CACNA1A: variants seen among roughly 807,000 people sequenced by gnomAD.
CACNA1A encodes calcium voltage-gated channel subunit alpha1 A, also known as voltage-dependent P/Q-type calcium channel subunit alpha-1A.
A neutral mutation model predicts 262.4 loss-of-function variants in CACNA1A; 57 were observed. The ratio of observed to expected loss-of-function variants is 0.22; its 90% confidence interval spans 0.18 to 0.27. The LOEUF is 0.27. Among genes scored for constraint, CACNA1A ranks in the 10% least tolerant of loss-of-function variants. The probability of loss-of-function intolerance (pLI) is 1.00; values close to 1 mark genes in which losing one functional copy is unlikely to be tolerated. For synonymous variants in CACNA1A, 1,431 were observed against 1,419.3 expected, an observed-to-expected ratio of 1.01 and a Z score of -0.18; for missense variants, 2,526 against 3,562.8, an observed-to-expected ratio of 0.71 and a Z score of 7.41.
In CACNA1A at chr19:13,459,801, C is replaced by T. The variant is rs531181957; in HGVS notation, c.294-4589G>A. ...TGGCAGGGATGTGACTTCCTTTGGA[C>T]CGGCTCTGGCACTGAAGGTTCCAGG... On this transcript the variant is annotated intron_variant, in intron 1 of 46. Transcript: ENST00000360228. Among the ~76,000 whole-genome samples the T allele has an allele frequency of 8.5e-5, 13 of 152,282 alleles. No individual in the cohort carries two copies. The South Asian group carries it at 2.7e-3, about 32-fold the overall frequency.
In CACNA1A at chr19:13,263,900, G is replaced by A. The variant is rs2144778181; in HGVS notation, c.3990-1067C>T. Among the ~76,000 whole-genome samples the A allele has an allele frequency of 2.0e-5, 3 of 152,196 alleles. No individual in the cohort carries two copies. The South Asian group carries it at 6.2e-4, about 32-fold the overall frequency. ...TTCTCCCCCTTCCAATGGGATTCTG[G>A]AAGATACTTAAAGTGGCCCTTATAC... is the stretch of plus-strand genomic sequence containing the variant. On this transcript the variant is annotated intron_variant, in intron 24 of 46. Coordinates refer to ENST00000360228, the MANE Select transcript of CACNA1A (RefSeq NM_001127222.2).
At chr19:13,235,930 A>T in intron 31 of CACNA1A, 200 bp from the exon 32 acceptor site, 3 of 482,580 alleles carry the variant, frequency 6.2e-6, no homozygotes, top group Non-Finnish European at 1.1e-5. Context: ...TGGGAGAGAG[A>T]GGGTGGGAGG....
intron 30 of CACNA1A, among the ~76,000 whole-genome samples, chr19:13,251,773 T>G (rs2056405764): frequency 6.6e-6 from 1 of 151,920 alleles, no homozygotes; most frequent in South Asian, 2.1e-4. Flanking sequence ...TTTATTTTTA[T>G]TATTATTATT....
rs1568414925 is a variant in CACNA1A, at chr19:13,207,265, TGTGCGTGGGGTGC to T, written c.*35_*47del. ...TCTGCGCGGCTCCTCGGGTGGGGTGTGTGCGTGGGGTGCGTGGGGGGCCGGGCGGGCGCCACCT... is the reference window on the plus strand; with the variant it reads ...TCTGCGCGGCTCCTCGGGTGGGGTGTGTGGGGGGCCGGGCGGGCGCCACCT... On this transcript the variant is annotated 3_prime_UTR_variant, in exon 47 of 47. Transcript: ENST00000360228. This position sits in a 1 kb window ranked among gnomAD's most constrained non-coding sequence, Gnocchi z 5.7. 6.7e-7 allele frequency: 1 copy of T among 1,487,672 alleles called. No homozygotes were observed. The highest frequency in any genetic ancestry group is 2.2e-5 in the Admixed American group (1 of 44,958). 92.2% of individuals were successfully genotyped at this position (1,487,672 alleles called of 1,614,324 possible).
intron 1 of CACNA1A, among the ~76,000 whole-genome samples, chr19:13,457,614 G>A (rs1397652131): frequency 6.6e-6 from 1 of 152,186 alleles, no homozygotes; most frequent in African/African-American, 2.4e-5. Flanking sequence ...ACTTTGGAAG[G>A]CCGAGGCAGG....
rs865915880 is a variant in CACNA1A, at chr19:13,328,027, T to C, written c.1345+2217A>G. The stretch of plus-strand genomic sequence containing the variant: ...AATCCTCCTGCCTTAGCTTCCTAAA[T>C]AGATGGGACTATAGGTGTGTGCCAT... On this transcript the variant is annotated intron_variant, in intron 10 of 46. Coordinates refer to ENST00000360228, the MANE Select transcript of CACNA1A (RefSeq NM_001127222.2). Among the ~76,000 whole-genome samples, 11 of 152,156 alleles carry C rather than the reference T, an allele frequency of 7.2e-5. 1 individual carries two copies. Among genetic ancestry groups the C allele is most frequent in the South Asian group, 6.2e-4 (3 of 4,828 alleles).
At chr19:13,296,000 G>A (rs1013624866) in intron 19 of CACNA1A, among the ~76,000 whole-genome samples, 5 of 152,142 alleles carry the variant, frequency 3.3e-5, no homozygotes, top group African/African-American at 1.2e-4. Context: ...CATGTGGTTT[G>A]AATTGTCCAC....
intron 3 of CACNA1A, among the ~76,000 whole-genome samples, chr19:13,442,041 T>G (rs917158038): frequency 1.3e-5 from 2 of 152,158 alleles, no homozygotes; most frequent in Non-Finnish European, 2.9e-5. Context: ...GAGAACATTT[T>G]AGCACAATAC....
intron 1 of CACNA1A, among the ~76,000 whole-genome samples, chr19:13,471,397 GA>G (rs2061344967): frequency 1.3e-5 from 2 of 152,018 alleles, no homozygotes; most frequent in Non-Finnish European, 2.9e-5. Flanking sequence ...GCCTAGTAAG[GA>G]GCTCAATCAG....
intron 30 of CACNA1A, 182 bp from the exon 31 acceptor site, chr19:13,245,447 G>C (rs2056204031): frequency 1.7e-6 from 1 of 600,710 alleles, no homozygotes; most frequent in Admixed American, 2.5e-5. Flanking sequence ...CTCCCTCCCT[G>C]GGAACTCCTG....
chr19:13,477,807 T>C (rs12609749), intron 1 of CACNA1A, among the ~76,000 whole-genome samples: 25,549 of 152,178 alleles, frequency 0.17, 3,838 homozygotes, highest in African/African-American at 0.38. Context: ...ATGATCTGAA[T>C]GTTCTATAGA....
intron 3 of CACNA1A, among the ~76,000 whole-genome samples, chr19:13,406,701 T>C (rs1472985462): frequency 6.6e-6 from 1 of 150,574 alleles, no homozygotes; most frequent in Admixed American, 6.7e-5. Flanking sequence ...GGCATCCTCC[T>C]ACTAGGGCAG....
Position 13,294,710 on chromosome 19 carries a change from A to G in CACNA1A, c.3089+3834T>C, listed in dbSNP as rs559431315. Among the ~76,000 whole-genome samples, 51 of 152,010 alleles carry G rather than the reference A, an allele frequency of 3.4e-4. 2 individuals carry two copies. In the South Asian group the frequency reaches 0.011, roughly 32 times the overall value. ...TGCCATGTTGGCCAAGCTGGTTCTG[A>G]ACCCCTGACCTCAGGTGATCCACCT... On this transcript the variant is annotated intron_variant, in intron 19 of 46. Coordinates refer to ENST00000360228, the MANE Select transcript of CACNA1A (RefSeq NM_001127222.2).
At chr19:13,342,280 G>A (rs1356776687) in intron 6 of CACNA1A, among the ~76,000 whole-genome samples, 1 of 152,134 alleles carries the variant, frequency 6.6e-6, no homozygotes, top group Admixed American at 6.5e-5. Context: ...ACAAGGACTG[G>A]AGATGCCATG....
chr19:13,209,370 G>C lies in CACNA1A; in HGVS notation c.6468C>G (p.Arg2156=). 7.2e-7 allele frequency: 1 copy of C among 1,393,512 alleles called. No homozygotes were observed. The highest frequency in any genetic ancestry group is 1.7e-5 in the South Asian group (1 of 57,948). 86.3% of individuals were successfully genotyped at this position (1,393,512 alleles called of 1,614,324 possible). ...EENQRHHQRR[R]DRSHRASERS... ...GCTCAGAGGCGCGGTGGCTGCGGTC[G>C]CGGCGCCGCTGGTGGTGCCGCTGGT... The change falls in exon 45 of 47, where the codon CGC becomes CGG. Residue 2156 remains arginine (R), a synonymous_variant. Transcript: ENST00000360228.
chr19:13,227,177 G>T, intron 37 of CACNA1A: 1 of 259,126 alleles, frequency 3.9e-6, no homozygotes. Flanking sequence ...CCCCCGGCAT[G>T]TCGGCCATAA....
intron 1 of CACNA1A, among the ~76,000 whole-genome samples, chr19:13,490,794 G>A (rs1568701051): frequency 6.9e-6 from 1 of 145,698 alleles, no homozygotes; most frequent in Non-Finnish European, 1.5e-5. Context: ...AGAAAGGAAA[G>A]AGAAAGGAAA....
intron 26 of CACNA1A, chr19:13,261,236 A>T (rs1442748364): frequency 2.0e-6 from 1 of 487,892 alleles, no homozygotes. Flanking sequence ...AAGGTCAATC[A>T]ATTTGCTTAT....
At chr19:13,423,049 TG>T in intron 3 of CACNA1A, among the ~76,000 whole-genome samples, 1 of 152,350 alleles carries the variant, frequency 6.6e-6, no homozygotes, top group East Asian at 1.9e-4. Flanking sequence ...AGAGTGGTCT[TG>T]GAGAACCCTG....
Sources: gnomAD v4.1 joint callset for allele counts (sites outside exome capture counted in the v4.1 genomes callset) on GRCh38, gnomAD v4.1.1 for gene constraint, Gnocchi (gnomAD v3.1) non-coding constraint, MANE v1.5 for transcripts, NCBI Gene and HGNC (gene_info 2026-07-23, HGNC 2026-07-21) for gene names.